Variants in WWOX observed in about 807,000 individuals in gnomAD.
WWOX encodes WW domain-containing oxidoreductase.
In WWOX, 69 loss-of-function variants were observed where a neutral mutation model predicts 46.2. The observed-to-expected ratio is 1.49, with a 90% confidence interval of 1.23 to 1.82. The LOEUF is 1.82. Ranked by LOEUF, WWOX falls within the 40% of genes most tolerant of loss-of-function variation. The pLI, the probability that WWOX is intolerant of heterozygous loss-of-function variation, is 0.00. For synonymous variants in WWOX, 359 were observed against 202.6 expected, an observed-to-expected ratio of 1.77 and a Z score of -6.56; for missense variants, 919 against 542.6, an observed-to-expected ratio of 1.69 and a Z score of -6.89.
At chr16:78,389,974 T>C (rs1462390326) in intron 6 of WWOX, among the ~76,000 whole-genome samples, 1 of 152,212 alleles carries the variant, frequency 6.6e-6, no homozygotes, top group Non-Finnish European at 1.5e-5. Flanking sequence ...AGTCAACTCC[T>C]GACCTCAAGT....
intron 8 of WWOX, among the ~76,000 whole-genome samples, chr16:78,855,936 A>G (rs1460289567): frequency 6.6e-6 from 1 of 152,218 alleles, no homozygotes; most frequent in East Asian, 1.9e-4. Flanking sequence ...TTGGGAACAA[A>G]TCAATCAAAA....
chr16:78,825,681 G>A, intron 8 of WWOX: 2 of 539,458 alleles, frequency 3.7e-6, no homozygotes, highest in East Asian at 4.3e-5. Flanking sequence ...AGGCTGCCAA[G>A]CTGTGGTTTC....
intron 8 of WWOX, chr16:79,196,388 A>C (rs746486120): frequency 2.0e-5 from 3 of 152,184 alleles, no homozygotes; most frequent in Non-Finnish European, 4.4e-5. Context: ...GTTTGGGTTT[A>C]TACCAGTTTG....
At chr16:78,713,798 T>C (rs1466825538) in intron 8 of WWOX, among the ~76,000 whole-genome samples, 1 of 152,152 alleles carries the variant, frequency 6.6e-6, no homozygotes. Flanking sequence ...GTCTGTCACA[T>C]TTTCTTATGG....
At chr16:78,366,400 C>A (rs559809162) in intron 5 of WWOX, among the ~76,000 whole-genome samples, 2 of 152,130 alleles carry the variant, frequency 1.3e-5, no homozygotes, top group Non-Finnish European at 2.9e-5. Flanking sequence ...TTGTATATTT[C>A]ATCAAATAGT....
intron 8 of WWOX, among the ~76,000 whole-genome samples, chr16:79,128,598 GC>G (rs2049810294): frequency 6.6e-6 from 1 of 152,150 alleles, no homozygotes; most frequent in South Asian, 2.1e-4. Flanking sequence ...GATTTCAGTA[GC>G]AAATGCAGTG....
intron 8 of WWOX, among the ~76,000 whole-genome samples, chr16:79,147,485 C>T (rs1199962667): frequency 1.3e-5 from 2 of 152,066 alleles, no homozygotes; most frequent in East Asian, 3.9e-4. Flanking sequence ...TATAAGTGAT[C>T]GTATGTTTAA....
At chr16:78,254,333 C>G (rs1427681905) in intron 5 of WWOX, among the ~76,000 whole-genome samples, 1 of 151,926 alleles carries the variant, frequency 6.6e-6, no homozygotes, top group African/African-American at 2.4e-5. Context: ...AATCCTCCCA[C>G]CTCGGCCTCC....
In WWOX at chr16:78,697,234, C is replaced by T. The variant is rs11150095; in HGVS notation, c.1056+264482C>T. On this transcript the variant is annotated intron_variant, in intron 8 of 8. Coordinates refer to ENST00000566780, the MANE Select transcript of WWOX (RefSeq NM_016373.4). ...TTCTACTTTTAGTTCTTCAAGAACT[C>T]TCCACACTGTTTTCCATAGTGGTTG... Among the ~76,000 whole-genome samples, 8 of 152,328 alleles carry T rather than the reference C, an allele frequency of 5.3e-5. No individual in the cohort carries two copies. The South Asian group carries it at 8.3e-4, about 16-fold the overall frequency.
intron 8 of WWOX, among the ~76,000 whole-genome samples, chr16:78,779,673 A>G (rs1291825242): frequency 1.3e-5 from 2 of 152,184 alleles, no homozygotes; most frequent in Non-Finnish European, 2.9e-5. Flanking sequence ...ACTGCTGATC[A>G]GTGATGCGAC....
At chr16:79,178,958 G>A (rs2050856401) in intron 8 of WWOX, among the ~76,000 whole-genome samples, 1 of 152,174 alleles carries the variant, frequency 6.6e-6, no homozygotes, top group South Asian at 2.1e-4. Flanking sequence ...GGACCTTCTA[G>A]GGAAATGTGA....
At chr16:78,368,575 T>G (rs1396220409) in intron 5 of WWOX, among the ~76,000 whole-genome samples, 1 of 152,174 alleles carries the variant, frequency 6.6e-6, no homozygotes, top group East Asian at 1.9e-4. Flanking sequence ...AGGAAGCTGC[T>G]GTTCATAAAT....
intron 8 of WWOX, among the ~76,000 whole-genome samples, chr16:78,889,688 C>G (rs1049127050): frequency 6.6e-6 from 1 of 152,132 alleles, no homozygotes; most frequent in Admixed American, 6.6e-5. Flanking sequence ...AGCAAACTCT[C>G]AGTGTGGGCA....
At chr16:78,736,513 T>C (rs541515158) in intron 8 of WWOX, among the ~76,000 whole-genome samples, 150 of 152,310 alleles carry the variant, frequency 9.8e-4, no homozygotes, top group Non-Finnish European at 1.7e-3. Context: ...ACAACACACA[T>C]ATCATCAAAT....
At chr16:78,118,378 G>A (rs1160274127) in intron 4 of WWOX, among the ~76,000 whole-genome samples, 2 of 152,134 alleles carry the variant, frequency 1.3e-5, no homozygotes, top group East Asian at 3.8e-4. Flanking sequence ...GGTTCATGAA[G>A]TCCTAGGTTT....
chr16:78,400,573 C>T (rs2082388854), intron 6 of WWOX, among the ~76,000 whole-genome samples: 2 of 152,058 alleles, frequency 1.3e-5, no homozygotes, highest in African/African-American at 2.4e-5. Context: ...TTTTATTTCC[C>T]AACTTGGCCC....
intron 1 of WWOX, among the ~76,000 whole-genome samples, chr16:78,101,847 G>A (rs1307374330): frequency 6.6e-6 from 1 of 152,200 alleles, no homozygotes; most frequent in Non-Finnish European, 1.5e-5. Context: ...ATAAGAGCCA[G>A]TTGTCATCCT....
intron 8 of WWOX, among the ~76,000 whole-genome samples, chr16:78,686,434 C>A (rs990471627): frequency 6.6e-6 from 1 of 151,990 alleles, no homozygotes; most frequent in African/African-American, 2.4e-5. Flanking sequence ...TGGTGTCAAC[C>A]CGGGAGGTGG....
intron 8 of WWOX, among the ~76,000 whole-genome samples, chr16:78,982,436 A>G (rs1335552866): frequency 6.6e-6 from 1 of 152,210 alleles, no homozygotes; most frequent in Non-Finnish European, 1.5e-5. Context: ...AAATAGTGAA[A>G]TGTCGACTGC....
Sources: allele counts gnomAD v4.1 joint callset (sites outside exome capture counted in the v4.1 genomes callset), GRCh38; gene constraint gnomAD v4.1.1; transcripts MANE v1.5; gene names NCBI Gene and HGNC (gene_info 2026-07-23, HGNC 2026-07-21).